The following AKAP9 variants were observed in gnomAD, a reference collection of about 807,000 sequenced individuals.
The protein encoded by AKAP9 is A-kinase anchor protein 9.
AKAP9 carries 311 observed loss-of-function variants against 488.5 expected under a neutral mutation model. The observed-to-expected ratio is 0.64, with a 90% CI of 0.58 to 0.70. The LOEUF (loss-of-function observed/expected upper bound fraction) is 0.70. Ranked by LOEUF, AKAP9 falls within the 30% of genes least tolerant of loss-of-function variation. The probability of loss-of-function intolerance (pLI) is 0.00; values close to 1 mark genes in which losing one functional copy is unlikely to be tolerated. For synonymous variants in AKAP9, 1,462 were observed against 1,483.5 expected (o/e 0.99, Z 0.33); for missense variants, 4,215 against 4,374.5 (o/e 0.96, Z 1.03).
intron 26 of AKAP9, among the ~76,000 whole-genome samples, chr7:92,067,087 G>T (rs1408222950): frequency 6.6e-6 from 1 of 152,046 alleles, no homozygotes; most frequent in East Asian, 1.9e-4. Flanking sequence ...CTACTCCACT[G>T]GTCTCTCTCC....
At chr7:92,034,503 T>A (rs1289747951) in intron 16 of AKAP9, among the ~76,000 whole-genome samples, 1,341 of 117,220 alleles carry the variant, frequency 0.011, 8 homozygotes, top group South Asian at 0.028. Flanking sequence ...TATATATTTT[T>A]TTTTTTTTTT....
At chr7:92,036,310 T>A (rs1271360233) in intron 16 of AKAP9, among the ~76,000 whole-genome samples, 3 of 151,956 alleles carry the variant, frequency 2.0e-5, no homozygotes, top group Non-Finnish European at 4.4e-5. Flanking sequence ...CTCCTTTTTT[T>A]TTAATTTTTT....
intron 26 of AKAP9, 72 bp from the exon 27 acceptor site, chr7:92,069,958 G>A: frequency 3.7e-6 from 5 of 1,351,952 alleles, no homozygotes; most frequent in Non-Finnish European, 5.2e-6. Context: ...CAAAATGAGG[G>A]ATAACTCAAC....
chr7:91,976,026 T>G (rs1795643530), intron 2 of AKAP9, among the ~76,000 whole-genome samples: 1 of 151,712 alleles, frequency 6.6e-6, no homozygotes, highest in African/African-American at 2.4e-5. Flanking sequence ...CCTCCCAGGT[T>G]CGAGTGATTC....
chr7:92,107,257 A>G (rs1248826913), intron 47 of AKAP9, 36 bp from the exon 48 acceptor site: 1 of 1,611,290 alleles, frequency 6.2e-7, no homozygotes, highest in Non-Finnish European at 8.5e-7. Flanking sequence ...TTGGGATTTT[A>G]TTTTTCTTTA....
chr7:92,093,111 A>G lies in AKAP9; in HGVS notation c.9373A>G (p.Asn3125Asp). The change falls in exon 39 of 50, where the codon AAT (asparagine) becomes GAT (aspartate). Residue 3125 changes from asparagine to aspartate, a missense_variant. Coordinates refer to ENST00000356239, the MANE Select transcript of AKAP9 (RefSeq NM_005751.5). ...GTTCTGTGTAGAACTCTTGGAATAT[A>G]ATATACAGCAGAAGCAGTCTCAAAT... is the stretch of plus-strand genomic sequence containing the variant. Reference protein sequence around the residue: ...EKPSQELLEYNIQQKQSQMLE... With the variant: ...EKPSQELLEYDIQQKQSQMLE... The G allele has an allele frequency of 1.2e-6, 2 of 1,613,148 alleles. No individual in the cohort carries two copies. The highest frequency in any genetic ancestry group is 1.7e-6 in the Non-Finnish European group (2 of 1,179,486).
intron 8 of AKAP9, among the ~76,000 whole-genome samples, chr7:92,008,855 G>A (rs566156326): frequency 8.6e-5 from 13 of 150,666 alleles, no homozygotes; most frequent in South Asian, 2.1e-4. Context: ...GCATGGTAGC[G>A]TGCACCTGTA....
At chr7:91,945,807 A>G (rs1271194614) in intron 1 of AKAP9, among the ~76,000 whole-genome samples, 1 of 152,094 alleles carries the variant, frequency 6.6e-6, no homozygotes, top group Non-Finnish European at 1.5e-5. Flanking sequence ...AAATGACTTC[A>G]TTTTTTTCCA....
chr7:92,049,866 T>G (rs1412575735), intron 21 of AKAP9, among the ~76,000 whole-genome samples: 1 of 152,158 alleles, frequency 6.6e-6, no homozygotes, highest in Non-Finnish European at 1.5e-5. Flanking sequence ...AGGCCTTTTA[T>G]AAGTCACTTT....
At chr7:91,942,481 C>A (rs1292039166) in intron 1 of AKAP9, among the ~76,000 whole-genome samples, 1 of 152,194 alleles carries the variant, frequency 6.6e-6, no homozygotes, top group Admixed American at 6.5e-5. Flanking sequence ...CCAAAGCCTA[C>A]ACTTGTGCAA....
intron 8 of AKAP9, among the ~76,000 whole-genome samples, chr7:92,004,917 C>T (rs866752186): frequency 1.1e-4 from 16 of 152,218 alleles, no homozygotes; most frequent in South Asian, 6.2e-4. Context: ...GGAATGCTTC[C>T]GGTTTTTGTC....
chr7:91,978,838 G>A (rs376644535), intron 2 of AKAP9, among the ~76,000 whole-genome samples: 37 of 151,314 alleles, frequency 2.4e-4, no homozygotes, highest in Non-Finnish European at 4.9e-4. Context: ...TTCACCACAA[G>A]CTCTCCCTTC....
chr7:91,944,915 C>G (rs1244880480), intron 1 of AKAP9, among the ~76,000 whole-genome samples: 1 of 152,154 alleles, frequency 6.6e-6, no homozygotes, highest in Non-Finnish European at 1.5e-5. Flanking sequence ...TTTTGTTGTG[C>G]TTATTCTTTC....
chr7:91,976,847 C>T (rs961123742), intron 2 of AKAP9, among the ~76,000 whole-genome samples: 16 of 152,062 alleles, frequency 1.1e-4, no homozygotes, highest in African/African-American at 3.4e-4. Flanking sequence ...ATAATTTCTT[C>T]GTTTTATTGA....
chr7:91,952,455 GA>G (rs1368595887), intron 1 of AKAP9, among the ~76,000 whole-genome samples: 1 of 152,178 alleles, frequency 6.6e-6, no homozygotes, highest in Non-Finnish European at 1.5e-5. Flanking sequence ...AAACACAGAA[GA>G]GGGATATCTG....
chr7:92,006,418 T>C (rs896639583), intron 8 of AKAP9, among the ~76,000 whole-genome samples: 1 of 152,200 alleles, frequency 6.6e-6, no homozygotes, highest in Non-Finnish European at 1.5e-5. Context: ...CCTGAAATGC[T>C]GGGATTACAG....
intron 48 of AKAP9, 63 bp downstream of exon 48, chr7:92,107,485 G>A (rs573684140): frequency 6.6e-7 from 1 of 1,522,842 alleles, no homozygotes; most frequent in Non-Finnish European, 9.1e-7. Flanking sequence ...AGAGATAAAT[G>A]GACATTTTTA....
intron 20 of AKAP9, among the ~76,000 whole-genome samples, chr7:92,044,740 A>G (rs941155533): frequency 1.7e-4 from 26 of 152,192 alleles, no homozygotes; most frequent in Non-Finnish European, 5.9e-5. Flanking sequence ...ATTTTTTTCA[A>G]GTCAATTAAA....
chr7:92,023,777 T>C (rs1310181298), intron 14 of AKAP9, among the ~76,000 whole-genome samples: 1 of 152,152 alleles, frequency 6.6e-6, no homozygotes, highest in African/African-American at 2.4e-5. Context: ...CCTACTGACT[T>C]GTCTGTCACT....
Sources: allele counts gnomAD v4.1 joint callset (sites outside exome capture counted in the v4.1 genomes callset), GRCh38; gene constraint gnomAD v4.1.1; transcripts MANE v1.5; gene names NCBI Gene and HGNC (gene_info 2026-07-23, HGNC 2026-07-21).